The following PPP4R1 variants were observed in gnomAD, a reference collection of about 807,000 sequenced individuals.
The protein encoded by PPP4R1 is serine/threonine-protein phosphatase 4 regulatory subunit 1.
PPP4R1 carries 42 observed loss-of-function variants against 111.2 expected under a neutral mutation model. That is an observed-to-expected ratio of 0.38 (90% CI 0.29 to 0.49). PPP4R1 has a LOEUF of 0.49. PPP4R1 is among the 20% of genes least tolerant of loss of function. The probability of loss-of-function intolerance (pLI) is 0.97; values close to 1 mark genes in which losing one functional copy is unlikely to be tolerated. For synonymous variants in PPP4R1, 409 were observed against 405.5 expected, an observed-to-expected ratio of 1.01 and a Z score of -0.10; for missense variants, 1,012 against 1,161.6, an observed-to-expected ratio of 0.87 and a Z score of 1.87.
chr18:9,616,383 A>G (rs1032275364), upstream of PPP4R1, among the ~76,000 whole-genome samples: 4 of 151,688 alleles, frequency 2.6e-5, no homozygotes, highest in Admixed American at 2.6e-4. Flanking sequence ...AGATCCTCCC[A>G]TCTCAGCCTC....
chr18:9,547,844 G>A lies in PPP4R1; in HGVS notation c.2798C>T (p.Pro933Leu). 6.2e-7 allele frequency: 1 copy of A among 1,613,616 alleles called. No homozygotes were observed. The highest frequency in any genetic ancestry group is 8.5e-7 in the Non-Finnish European group (1 of 1,180,020). ...ATCTTCGGAGATTTTGGTACTGGCA[G>A]GGTGGATGCTTGCAAAATACTTGAC... ...SDVKYFASIH[P>L]ASTKISEDAM... The change falls in exon 20 of 20, where the codon CCT (proline) becomes CTT (leucine). Residue 933 changes from proline to leucine, a missense_variant. By Grantham distance (98) the Pro-to-Leu change is moderately conservative. This residue lies in a region of PPP4R1 where 305 missense variants were observed against 419.5 expected (regional missense o/e 0.73). Coordinates refer to ENST00000400556, the MANE Select transcript of PPP4R1 (RefSeq NM_001042388.3).
In PPP4R1 at chr18:9,588,868, G is replaced by GCAATGTGAGCAAACATGTTCTCCTGC; in HGVS notation, c.296-41_296-16dup. 1 of 1,609,812 alleles carries GCAATGTGAGCAAACATGTTCTCCTGC rather than the reference G, an allele frequency of 6.2e-7. No homozygotes were observed. The highest frequency in any genetic ancestry group is 8.5e-7 in the Non-Finnish European group (1 of 1,178,492). ...CACAGTTGGTTCTATTGAAATAACG[G>GCAATGTGAGCAAACATGTTCTCCTGC]CAATGTGAGCAAACATGTTCTCCTG... On this transcript the variant is annotated splice_polypyrimidine_tract_variant and intron_variant, in intron 4 of 19. Transcript: ENST00000400556.
upstream of PPP4R1, among the ~76,000 whole-genome samples, chr18:9,616,505 C>T (rs2067689864): frequency 1.3e-5 from 2 of 152,100 alleles, no homozygotes; most frequent in South Asian, 4.1e-4. Context: ...AACTCCTGGC[C>T]TCAAGCAATC....
chr18:9,549,386 A>C (rs375817652), intron 18 of PPP4R1, 48 bp from the exon 19 acceptor site: 13 of 1,549,700 alleles, frequency 8.4e-6, no homozygotes, highest in Non-Finnish European at 1.1e-5. Context: ...AATGTAGCCA[A>C]AAACTCGACT....
chr18:9,564,731 T>TGG (rs2066735702), intron 11 of PPP4R1, among the ~76,000 whole-genome samples: 1 of 55,972 alleles, frequency 1.8e-5, no homozygotes, highest in African/African-American at 5.8e-5. Flanking sequence ...TGTGTGTGTG[T>TGG]GTGTGTGGGG....
At chr18:9,599,549 G>A (rs1033061904) in intron 2 of PPP4R1, 3 of 152,164 alleles carry the variant, frequency 2.0e-5, no homozygotes, top group African/African-American at 4.8e-5. Context: ...GGCAGAGACT[G>A]TCAAATTGGA....
intron 18 of PPP4R1, 72 bp from the exon 19 acceptor site, chr18:9,549,410 ATC>A: frequency 6.5e-7 from 1 of 1,539,360 alleles, no homozygotes. Flanking sequence ...GGCTAACAAA[ATC>A]TCTGAGTGAC....
upstream of PPP4R1, among the ~76,000 whole-genome samples, chr18:9,616,347 T>C (rs2067688201): frequency 6.6e-6 from 1 of 151,990 alleles, no homozygotes; most frequent in Non-Finnish European, 1.5e-5. Context: ...CATGACTCAC[T>C]GTAACCTCGA....
At chr18:9,569,205 A>G (rs2066819552) in intron 11 of PPP4R1, among the ~76,000 whole-genome samples, 1 of 152,090 alleles carries the variant, frequency 6.6e-6, no homozygotes, top group South Asian at 2.1e-4. Context: ...AAAAAAAAAA[A>G]AAAAGAAGAA....
intron 19 of PPP4R1, among the ~76,000 whole-genome samples, 175 bp from the exon 20 acceptor site, chr18:9,548,127 TAA>T (rs2066428433): frequency 1.3e-5 from 2 of 152,194 alleles, no homozygotes; most frequent in Non-Finnish European, 1.5e-5. Context: ...AGTGCCAGAA[TAA>T]AAAGAGTTAT....
upstream of PPP4R1, among the ~76,000 whole-genome samples, chr18:9,616,074 G>T (rs933498849): frequency 8.5e-5 from 13 of 152,070 alleles, no homozygotes; most frequent in Non-Finnish European, 1.3e-4. Context: ...CTTGGTGAAT[G>T]CCCTTATGTG....
At chr18:9,559,334 G>T (rs1598897212) in intron 14 of PPP4R1, 85 bp downstream of exon 14, 3 of 1,283,728 alleles carry the variant, frequency 2.3e-6, no homozygotes, top group Non-Finnish European at 2.1e-6. Context: ...GCTAGAACAT[G>T]AACAGAAATT....
chr18:9,614,603 G>GGCGGGGGCGCGCGC, upstream of PPP4R1: 1 of 582,272 alleles, frequency 1.7e-6, no homozygotes, highest in Non-Finnish European at 2.1e-6. The surrounding 1 kb of genome is among the most constrained non-coding windows in gnomAD (Gnocchi z 4.1). Flanking sequence ...GGGCCGGGCT[G>GGCGGGGGCGCGCGC]GCGGGGGCGC....
At chr18:9,579,125 A>C (rs1331423219) in intron 9 of PPP4R1, among the ~76,000 whole-genome samples, 1 of 152,216 alleles carries the variant, frequency 6.6e-6, no homozygotes, top group Non-Finnish European at 1.5e-5. Context: ...CTATAGTTAC[A>C]ATGAAATCAG....
intron 12 of PPP4R1, 130 bp downstream of exon 12, chr18:9,563,248 A>C: frequency 7.8e-7 from 1 of 1,283,424 alleles, no homozygotes; most frequent in Non-Finnish European, 1.0e-6. Flanking sequence ...CTTTATGCAA[A>C]ACGAAGAGCT....
At chr18:9,576,751 T>A (rs1185971030) in intron 10 of PPP4R1, among the ~76,000 whole-genome samples, 11 of 71,210 alleles carry the variant, frequency 1.5e-4, no homozygotes, top group African/African-American at 6.3e-4. Context: ...AATGAATGAT[T>A]GACTAAATAA....
At chr18:9,573,655 T>C (rs2066895649) in intron 10 of PPP4R1, among the ~76,000 whole-genome samples, 1 of 152,156 alleles carries the variant, frequency 6.6e-6, no homozygotes, top group African/African-American at 2.4e-5. Context: ...TGGTGTAAAG[T>C]GGTATGATCA....
Position 9,557,395 on chromosome 18 carries a change from A to G in PPP4R1, c.2029-13T>C. The stretch of plus-strand genomic sequence containing the variant: ...GTCGAACTTTCCACTGCAGAAATGA[A>G]AACACATTAGTAAGCTAACCACAAA... On this transcript the variant is annotated splice_polypyrimidine_tract_variant and intron_variant, in intron 14 of 19. Coordinates refer to ENST00000400556, the MANE Select transcript of PPP4R1 (RefSeq NM_001042388.3). The G allele has an allele frequency of 6.3e-7, 1 of 1,591,276 alleles. No individual in the cohort carries two copies. Among genetic ancestry groups the G allele is most frequent in the Non-Finnish European group, 8.5e-7 (1 of 1,172,290 alleles).
chr18:9,564,697 GGT>G (rs1178823297), intron 11 of PPP4R1, among the ~76,000 whole-genome samples: 82 of 93,578 alleles, frequency 8.8e-4, no homozygotes, highest in African/African-American at 1.2e-3. Context: ...TAAAGTGCAT[GGT>G]GTGTGTGTGT....
Sources: allele counts gnomAD v4.1 joint callset (sites outside exome capture counted in the v4.1 genomes callset), GRCh38; gene constraint gnomAD v4.1.1; regional missense constraint gnomAD v4.1.1; non-coding constraint Gnocchi (gnomAD v3.1); transcripts MANE v1.5; gene names NCBI Gene and HGNC (gene_info 2026-07-23, HGNC 2026-07-21).